Variants in POTEF observed in about 807,000 individuals in gnomAD.
POTEF encodes the protein ANKRD26-like family C member 1B.
POTEF carries 20 observed loss-of-function variants against 83.2 expected under a neutral mutation model. That is an observed-to-expected ratio of 0.24 (90% CI 0.17 to 0.35). The LOEUF (loss-of-function observed/expected upper bound fraction) is 0.35, where lower values mean the gene tolerates loss of function less well. Ranked by LOEUF, POTEF falls within the 10% of genes least tolerant of loss-of-function variation. POTEF has a pLI of 1.00. For synonymous variants in POTEF, 196 were observed against 446.4 expected (o/e 0.44, Z 7.07); for missense variants, 550 against 1,203.2 (o/e 0.46, Z 8.03).
chr2:130,123,539 A>G (rs1238491476), intron 2 of POTEF, among the ~76,000 whole-genome samples: 2 of 151,988 alleles, frequency 1.3e-5, no homozygotes, highest in East Asian at 3.8e-4. Context: ...TGTAGTGTAT[A>G]AAAATAATCC....
intron 8 of POTEF, among the ~76,000 whole-genome samples, chr2:130,103,813 C>T (rs1386731451): frequency 7.2e-5 from 10 of 138,374 alleles, no homozygotes; most frequent in South Asian, 2.4e-4. Flanking sequence ...GCAGCAAGAG[C>T]GGGAGCGAGG....
At chr2:130,102,716 G>GT (rs1016649672) in intron 8 of POTEF, among the ~76,000 whole-genome samples, 2 of 150,882 alleles carry the variant, frequency 1.3e-5, no homozygotes, top group African/African-American at 4.9e-5. Flanking sequence ...ACTCAGAGCT[G>GT]TTTTTACAAA....
rs565832102 is a variant in POTEF, at chr2:130,104,125, G to C, written c.1127-1945C>G. On this transcript the variant is annotated intron_variant, in intron 8 of 16. Coordinates refer to ENST00000409914, the MANE Select transcript of POTEF (RefSeq NM_001099771.2). ...AGATAGCTCATGTGGACAGAGCTGAGATGATACTATGTAGCAATTTCTCAA... is the reference window on the plus strand; with the variant it reads ...AGATAGCTCATGTGGACAGAGCTGACATGATACTATGTAGCAATTTCTCAA... Among the ~76,000 whole-genome samples the C allele has an allele frequency of 4.6e-4, 70 of 150,782 alleles. 5 individuals carry two copies. The highest frequency in any genetic ancestry group is 1.6e-3 in the African/African-American group (65 of 40,098).
chr2:130,120,453 C>T lies in POTEF; in HGVS notation c.63G>A (p.Arg21=). ...GGCAGCACCACTTGCCCATCTTGCT[C>T]CTGAGACCAAATGGCTTCTTCACAG... The part of the protein sequence containing the change: ...ASSVKKPFGL[R]SKMGKWCCRC... The change falls in exon 3 of 17, where the codon AGG becomes AGA. Residue 21 remains arginine, a synonymous_variant. Transcript: ENST00000409914. The T allele has an allele frequency of 1.2e-6, 2 of 1,613,642 alleles. No homozygotes were observed. The highest frequency in any genetic ancestry group is 8.5e-7 in the Non-Finnish European group (1 of 1,179,878).
intron 5 of POTEF, among the ~76,000 whole-genome samples, chr2:130,113,245 G>A (rs1248264782): frequency 1.7e-5 from 2 of 116,938 alleles, no homozygotes; most frequent in African/African-American, 3.3e-5. Flanking sequence ...AAAAACTGAG[G>A]TTGGAGGACC....
At chr2:130,126,416 G>A (rs1685094832) in intron 2 of POTEF, among the ~76,000 whole-genome samples, 1 of 151,928 alleles carries the variant, frequency 6.6e-6, no homozygotes, top group Non-Finnish European at 1.5e-5. Context: ...CGTGACTCCT[G>A]CATAGCTCCA....
At chr2:130,091,279 G>GA (rs1319212699) in intron 12 of POTEF, among the ~76,000 whole-genome samples, 2 of 113,492 alleles carry the variant, frequency 1.8e-5, no homozygotes, top group Admixed American at 9.3e-5. Context: ...CTTTCTGGCA[G>GA]AAAAAACATA....
chr2:130,103,187 G>A (rs1280479373), intron 8 of POTEF, among the ~76,000 whole-genome samples: 4 of 145,294 alleles, frequency 2.8e-5, no homozygotes, highest in Admixed American at 6.9e-5. Flanking sequence ...TGCAACCTCT[G>A]ACACTCCCTG....
intron 2 of POTEF, among the ~76,000 whole-genome samples, chr2:130,121,045 C>G (rs1684990234): frequency 6.6e-6 from 1 of 151,176 alleles, no homozygotes; most frequent in African/African-American, 2.4e-5. Flanking sequence ...TACAGGCCGG[C>G]CAAACCGTTA....
chr2:130,074,054 T>G lies in POTEF; in HGVS notation c.*190A>C. The G allele has an allele frequency of 2.2e-6, 2 of 899,214 alleles. No homozygotes were observed. Among genetic ancestry groups the G allele is most frequent in the Non-Finnish European group, 3.4e-6 (2 of 595,886 alleles). The allele number at this position is 899,214 out of a possible 1,614,324, so 55.7% of individuals were successfully genotyped here. ...AGTCCTTGGCCACATTGTAGAACTT[T>G]GGAGGAAGCTTCCTCCAACCGACTG... On this transcript the variant is annotated 3_prime_UTR_variant, in exon 17 of 17. Transcript: ENST00000409914.
intron 3 of POTEF, among the ~76,000 whole-genome samples, chr2:130,116,295 T>C (rs926649553): frequency 2.6e-5 from 4 of 151,248 alleles, no homozygotes; most frequent in African/African-American, 9.9e-5. Flanking sequence ...TTAAGACTGT[T>C]ATAAATTTTC....
intron 3 of POTEF, among the ~76,000 whole-genome samples, chr2:130,118,408 C>A (rs1684899371): frequency 6.6e-6 from 1 of 151,286 alleles, no homozygotes; most frequent in Admixed American, 6.6e-5. Context: ...ATTATGTCTG[C>A]AAATATGGCC....
rs1435437221 is a variant in POTEF at position 130,099,000 on chromosome 2, T to C, written c.1409+470A>G. On this transcript the variant is annotated intron_variant, in intron 11 of 16. Coordinates refer to ENST00000409914, the MANE Select transcript of POTEF (RefSeq NM_001099771.2). ...AAGATCAAATGCCACATATTCTTAC[T>C]CATTACTGGGAACTAAATAATGAGA... Among the ~76,000 whole-genome samples the C allele has an allele frequency of 1.0e-4, 8 of 77,424 alleles. 3 individuals are homozygous for C. Among genetic ancestry groups the C allele is most frequent in the Non-Finnish European group, 2.0e-4 (8 of 40,884 alleles). 50.8% of individuals were successfully genotyped at this position (77,424 alleles called of 152,430 possible).
At chr2:130,078,984 T>C (rs62165881) in intron 15 of POTEF, among the ~76,000 whole-genome samples, 7 of 86,868 alleles carry the variant, frequency 8.1e-5, no homozygotes, top group South Asian at 4.7e-4. Flanking sequence ...CCTGAAAACA[T>C]TGGCCTAGGC....
chr2:130,115,984 G>C (rs978645966), intron 3 of POTEF, among the ~76,000 whole-genome samples: 1 of 151,980 alleles, frequency 6.6e-6, no homozygotes, highest in African/African-American at 2.4e-5. Context: ...AAATAATGGG[G>C]CATCACACAA....
intron 8 of POTEF, among the ~76,000 whole-genome samples, chr2:130,103,102 CTTTTTTT>C (rs60152509): frequency 7.9e-6 from 1 of 126,448 alleles, no homozygotes; most frequent in Non-Finnish European, 1.6e-5. Flanking sequence ...TTCTTTCTTT[CTTTTTTT>C]TTTTTTTTTT....
At chr2:130,083,378 T>C (rs1573592945) in intron 15 of POTEF, among the ~76,000 whole-genome samples, 2 of 149,488 alleles carry the variant, frequency 1.3e-5, no homozygotes, top group East Asian at 1.9e-4. Context: ...GACTGAGCCA[T>C]GAGAAACAAC....
intron 2 of POTEF, among the ~76,000 whole-genome samples, chr2:130,126,093 C>T (rs553562399): frequency 1.2e-4 from 18 of 150,504 alleles, no homozygotes; most frequent in South Asian, 2.1e-4. Flanking sequence ...CACTTGAAGT[C>T]GGGAGTTCAA....
intron 7 of POTEF, among the ~76,000 whole-genome samples, chr2:130,108,446 T>A (rs1185949667): frequency 1.5e-3 from 222 of 150,136 alleles, no homozygotes; most frequent in African/African-American, 5.4e-3. Context: ...AAGTGAGGAC[T>A]TTGCTGCCTT....
Sources: gnomAD v4.1 joint callset for allele counts (sites outside exome capture counted in the v4.1 genomes callset) on GRCh38, gnomAD v4.1.1 for gene constraint, MANE v1.5 for transcripts, NCBI Gene and HGNC (gene_info 2026-07-23, HGNC 2026-07-21) for gene names.